MRPS27: variants seen among roughly 807,000 people sequenced by gnomAD.
MRPS27 encodes the protein small ribosomal subunit protein mS27.
In MRPS27, 43 loss-of-function variants were observed where a neutral mutation model predicts 48.9. That is an observed-to-expected ratio of 0.88 (90% CI 0.69 to 1.13). MRPS27 has a LOEUF of 1.13. MRPS27 is among the 50% of genes most tolerant of loss of function. The pLI is 0.00. For missense variants in MRPS27, 467 were observed against 476.3 expected, an observed-to-expected ratio of 0.98 and a Z score of 0.18; for synonymous variants, 188 against 171.9, an observed-to-expected ratio of 1.09 and a Z score of -0.73.
chr5:72,287,640 A>AAAACAAAC (rs376366056), intron 4 of MRPS27, among the ~76,000 whole-genome samples: 1 of 152,222 alleles, frequency 6.6e-6, no homozygotes, highest in Non-Finnish European at 1.5e-5. Flanking sequence ...ATCTCAATAA[A>AAAACAAAC]AAACAAACAA....
intron 4 of MRPS27, among the ~76,000 whole-genome samples, chr5:72,293,489 G>A (rs568919720): frequency 4.6e-5 from 7 of 152,270 alleles, no homozygotes; most frequent in South Asian, 4.2e-4. Flanking sequence ...GAAATAGGAC[G>A]TAGTGATCTT....
chr5:72,236,929 T>C (rs1748212034), intron 5 of MRPS27, among the ~76,000 whole-genome samples: 1 of 151,544 alleles, frequency 6.6e-6, no homozygotes, highest in Admixed American at 6.6e-5. Context: ...TTTCCTTTTT[T>C]TTTTTTTTGA....
intron 4 of MRPS27, among the ~76,000 whole-genome samples, chr5:72,251,881 C>G (rs1295447685): frequency 6.6e-6 from 1 of 152,190 alleles, no homozygotes; most frequent in Admixed American, 6.5e-5. Context: ...CTAAGAACCC[C>G]CTTTTCCATC....
intron 2 of MRPS27, among the ~76,000 whole-genome samples, chr5:72,308,337 C>G (rs1344852830): frequency 1.3e-5 from 2 of 152,242 alleles, no homozygotes; most frequent in Non-Finnish European, 1.5e-5. Context: ...AGCCCACACC[C>G]ACACGCCGCA....
chr5:72,293,626 C>T (rs1354474078), intron 4 of MRPS27, among the ~76,000 whole-genome samples: 1 of 152,156 alleles, frequency 6.6e-6, no homozygotes, highest in Admixed American at 6.5e-5. Context: ...ACTTATTCAA[C>T]ATTAGATATC....
intron 1 of MRPS27, among the ~76,000 whole-genome samples, chr5:72,318,401 C>G (rs1248489849): frequency 1.3e-5 from 2 of 152,186 alleles, no homozygotes; most frequent in East Asian, 1.9e-4. Flanking sequence ...TGCCTTCATT[C>G]TAGCATATGC....
At chr5:72,251,127 A>G (rs1168790030) in intron 4 of MRPS27, among the ~76,000 whole-genome samples, 1 of 152,178 alleles carries the variant, frequency 6.6e-6, no homozygotes, top group East Asian at 1.9e-4. Flanking sequence ...TATGATTATT[A>G]CCATCCACAC....
intron 2 of MRPS27, among the ~76,000 whole-genome samples, chr5:72,300,644 C>T (rs1004754876): frequency 1.3e-5 from 2 of 152,184 alleles, no homozygotes; most frequent in Admixed American, 1.3e-4. Context: ...ATTCTTTTCA[C>T]ACTCTATAAC....
intron 10 of MRPS27, chr5:72,222,506 TGCAGGCACAG>T (rs1323376699): frequency 9.2e-5 from 14 of 152,238 alleles, no homozygotes; most frequent in African/African-American, 3.1e-4. Context: ...GAGAACTTAA[TGCAGGCACAG>T]GTTTCTATTC....
intron 4 of MRPS27, among the ~76,000 whole-genome samples, chr5:72,287,198 C>T (rs1015523061): frequency 4.6e-5 from 7 of 152,012 alleles, no homozygotes; most frequent in Non-Finnish European, 1.0e-4. Flanking sequence ...CATCCCCAAA[C>T]CATCCCCAAC....
intron 4 of MRPS27, among the ~76,000 whole-genome samples, chr5:72,250,944 T>C (rs1296647955): frequency 6.6e-6 from 1 of 152,198 alleles, no homozygotes; most frequent in Non-Finnish European, 1.5e-5. Flanking sequence ...TTCAGGATTC[T>C]AACCGGTAAA....
chr5:72,318,972 G>T lies in MRPS27; in HGVS notation c.73+1177C>A, dbSNP rs77746105. Among the ~76,000 whole-genome samples, 565 of 152,312 alleles carry T rather than the reference G, an allele frequency of 3.7e-3. 1 individual carries two copies. Among genetic ancestry groups the T allele is most frequent in the African/African-American group, 0.013 (549 of 41,558 alleles). Reference sequence around the variant, plus strand: ...TGTGTGACATTAAACGTTTTCACCAGGTCAGCCACTTAATCTTCAGAAAAC... The same window carrying T: ...TGTGTGACATTAAACGTTTTCACCATGTCAGCCACTTAATCTTCAGAAAAC... On this transcript the variant is annotated intron_variant, in intron 1 of 10. Coordinates refer to ENST00000261413, the MANE Select transcript of MRPS27 (RefSeq NM_015084.3).
chr5:72,284,351 G>C (rs1463696434), intron 4 of MRPS27, among the ~76,000 whole-genome samples: 1 of 151,532 alleles, frequency 6.6e-6, no homozygotes. Context: ...CTGAGCCTGG[G>C]AAGTTGAGGG....
intron 10 of MRPS27, chr5:72,222,333 G>C (rs1026451862): frequency 6.6e-6 from 1 of 152,234 alleles, no homozygotes; most frequent in African/African-American, 2.4e-5. Context: ...CTCTGGGCTA[G>C]TTTTTCTCAG....
At chr5:72,284,698 T>C (rs1337422863) in intron 4 of MRPS27, among the ~76,000 whole-genome samples, 1 of 152,212 alleles carries the variant, frequency 6.6e-6, no homozygotes, top group African/African-American at 2.4e-5. Flanking sequence ...CATACATATA[T>C]ACACATAAGC....
At chr5:72,276,336 T>C (rs1749373117) in intron 4 of MRPS27, among the ~76,000 whole-genome samples, 1 of 152,156 alleles carries the variant, frequency 6.6e-6, no homozygotes, top group African/African-American at 2.4e-5. Context: ...ATTTAATAAA[T>C]GGTGCTGGGA....
intron 4 of MRPS27, among the ~76,000 whole-genome samples, chr5:72,249,719 C>T (rs564678535): frequency 1.6e-4 from 24 of 149,094 alleles, no homozygotes; most frequent in African/African-American, 5.9e-4. Flanking sequence ...CAGTGGTTCA[C>T]GCCTGTAATC....
chr5:72,306,531 A>G (rs1482157846), intron 2 of MRPS27, among the ~76,000 whole-genome samples: 1 of 152,234 alleles, frequency 6.6e-6, no homozygotes, highest in African/African-American at 2.4e-5. Flanking sequence ...GGAAACTCCA[A>G]AAAAGACCTG....
intron 4 of MRPS27, among the ~76,000 whole-genome samples, chr5:72,249,798 G>A (rs1289667556): frequency 1.3e-5 from 2 of 151,912 alleles, no homozygotes; most frequent in Non-Finnish European, 2.9e-5. Context: ...TGGCTAACAC[G>A]GTGAAACCCC....
Sources: gnomAD v4.1 joint callset for allele counts (sites outside exome capture counted in the v4.1 genomes callset) on GRCh38, gnomAD v4.1.1 for gene constraint, MANE v1.5 for transcripts, NCBI Gene and HGNC (gene_info 2026-07-23, HGNC 2026-07-21) for gene names.